CNBD1: variants seen among roughly 807,000 people sequenced by gnomAD.
The protein encoded by CNBD1 is cyclic nucleotide binding domain containing 1.
Under a neutral mutation model 54.4 loss-of-function variants are expected in CNBD1, and 71 were observed. The observed-to-expected ratio is 1.30, with a 90% confidence interval of 1.08 to 1.59. The LOEUF (loss-of-function observed/expected upper bound fraction) is 1.59, where lower values mean the gene tolerates loss of function less well. Ranked by LOEUF, CNBD1 falls within the 40% of genes most tolerant of loss-of-function variation. The probability of loss-of-function intolerance (pLI) is 0.00; values close to 1 mark genes in which losing one functional copy is unlikely to be tolerated. For synonymous variants in CNBD1, 182 were observed against 170.7 expected, an observed-to-expected ratio of 1.07 and a Z score of -0.51; for missense variants, 659 against 518.0, an observed-to-expected ratio of 1.27 and a Z score of -2.64.
At chr8:86,890,275 A>G (rs575360649) in intron 2 of CNBD1, among the ~76,000 whole-genome samples, 31 of 152,126 alleles carry the variant, frequency 2.0e-4, no homozygotes, top group African/African-American at 7.5e-4. Flanking sequence ...CCTAGTAACC[A>G]CCATTCTACT....
chr8:87,009,616 T>A (rs1488981504), intron 4 of CNBD1, among the ~76,000 whole-genome samples: 1 of 152,174 alleles, frequency 6.6e-6, no homozygotes, highest in African/African-American at 2.4e-5. Flanking sequence ...AAAACATTAT[T>A]ACTATTGTTT....
At chr8:86,925,696 C>T (rs919524872) in intron 3 of CNBD1, among the ~76,000 whole-genome samples, 7 of 142,318 alleles carry the variant, frequency 4.9e-5, no homozygotes, top group African/African-American at 1.9e-4. Flanking sequence ...GCCTTGCTAA[C>T]ATGGTGAAAC....
chr8:87,273,375 G>C (rs1390940065), intron 6 of CNBD1, among the ~76,000 whole-genome samples: 1 of 137,386 alleles, frequency 7.3e-6, no homozygotes, highest in African/African-American at 2.9e-5. Context: ...GCCTCTTTAC[G>C]ATTAAGTAAG....
Position 87,353,706 on chromosome 8 carries a change from T to C in CNBD1, c.1223T>C (p.Leu408Pro). The change falls in exon 10 of 11, where the codon CTT becomes CCT. Residue 408 changes from leucine to proline, a missense_variant. Transcript: ENST00000518476. ...GAGTCCTTTGGTGAGATTAGCGTCC[T>C]TCTTCAAGTTCCTTTCACGTGCACA... is the stretch of plus-strand genomic sequence containing the variant. ...EKESFGEISV[L>P]LQVPFTCTII... 2 of 1,611,500 alleles carry C rather than the reference T, an allele frequency of 1.2e-6. No homozygotes were observed. The highest frequency in any genetic ancestry group is 1.7e-6 in the Non-Finnish European group (2 of 1,178,372).
intron 6 of CNBD1, among the ~76,000 whole-genome samples, chr8:87,258,507 A>G (rs1586369992): frequency 6.6e-6 from 1 of 151,748 alleles, no homozygotes; most frequent in African/African-American, 2.4e-5. Flanking sequence ...CACTGCAACC[A>G]CTGCAACTCC....
At chr8:87,370,615 T>C (rs1267680818) in intron 10 of CNBD1, among the ~76,000 whole-genome samples, 2 of 152,088 alleles carry the variant, frequency 1.3e-5, no homozygotes, top group Admixed American at 6.6e-5. Context: ...TCATTGTAGA[T>C]TCTGGATATT....
intron 6 of CNBD1, among the ~76,000 whole-genome samples, chr8:87,284,219 TTTA>T (rs2130869444): frequency 6.6e-6 from 1 of 152,248 alleles, no homozygotes; most frequent in Non-Finnish European, 1.5e-5. Flanking sequence ...ATGCCTAATA[TTTA>T]TTGTTTACAT....
intron 6 of CNBD1, among the ~76,000 whole-genome samples, chr8:87,239,748 T>C (rs1807654327): frequency 1.3e-5 from 2 of 152,172 alleles, no homozygotes; most frequent in Non-Finnish European, 2.9e-5. Context: ...AAGCATCTGC[T>C]GTTCTAACTC....
intron 4 of CNBD1, among the ~76,000 whole-genome samples, chr8:86,974,701 A>G (rs2130496932): frequency 6.6e-6 from 1 of 152,150 alleles, no homozygotes; most frequent in East Asian, 1.9e-4. Flanking sequence ...AAATTTGAAA[A>G]TAAGTAATAC....
At chr8:87,294,265 G>A (rs1229739180) in intron 8 of CNBD1, among the ~76,000 whole-genome samples, 6 of 152,162 alleles carry the variant, frequency 3.9e-5, no homozygotes, top group East Asian at 1.9e-4. Context: ...GTATTGTATA[G>A]AATAGATCTT....
At chr8:87,265,521 A>T (rs553823762) in intron 6 of CNBD1, among the ~76,000 whole-genome samples, 1 of 152,156 alleles carries the variant, frequency 6.6e-6, no homozygotes, top group African/African-American at 2.4e-5. Context: ...TATTTTTCAC[A>T]TAAGATAATG....
chr8:87,217,573 CTTT>C (rs35123267), intron 5 of CNBD1, among the ~76,000 whole-genome samples: 85 of 144,892 alleles, frequency 5.9e-4, no homozygotes, highest in Non-Finnish European at 9.2e-4. Context: ...TTTTATTAAG[CTTT>C]TTTTTTTTTT....
intron 2 of CNBD1, among the ~76,000 whole-genome samples, chr8:87,419,772 C>A (rs957635616): frequency 6.6e-6 from 1 of 151,568 alleles, no homozygotes; most frequent in African/African-American, 2.4e-5. Flanking sequence ...AGTATGAATT[C>A]CTGTGAATTC....
intron 3 of CNBD1, among the ~76,000 whole-genome samples, chr8:86,938,788 G>A (rs905837678): frequency 2.0e-5 from 3 of 152,164 alleles, no homozygotes; most frequent in Non-Finnish European, 4.4e-5. Flanking sequence ...TTAACAGGAT[G>A]ATGTGCATAT....
intron 5 of CNBD1, among the ~76,000 whole-genome samples, chr8:87,214,548 T>G (rs1212311040): frequency 6.6e-6 from 1 of 152,184 alleles, no homozygotes; most frequent in African/African-American, 2.4e-5. Flanking sequence ...TTCCACATTT[T>G]CGGGTATCTT....
chr8:86,884,654 TTTA>T (rs577243884), intron 1 of CNBD1, among the ~76,000 whole-genome samples: 2 of 152,308 alleles, frequency 1.3e-5, no homozygotes, highest in Non-Finnish European at 2.9e-5. Flanking sequence ...GATCCTTTTC[TTTA>T]TTTTCTCCCA....
intron 6 of CNBD1, among the ~76,000 whole-genome samples, chr8:87,259,671 G>T (rs1808095951): frequency 1.3e-5 from 2 of 152,116 alleles, no homozygotes; most frequent in Admixed American, 1.3e-4. Context: ...TACAATAGTT[G>T]TAAGATTTTT....
intron 4 of CNBD1, among the ~76,000 whole-genome samples, chr8:86,993,165 T>A (rs1347879639): frequency 6.6e-6 from 1 of 152,122 alleles, no homozygotes; most frequent in Admixed American, 6.5e-5. Context: ...AAATTGTTTT[T>A]TCTTTATTTT....
chr8:86,947,883 C>T (rs770049733), intron 4 of CNBD1, among the ~76,000 whole-genome samples: 3 of 152,000 alleles, frequency 2.0e-5, no homozygotes, highest in Non-Finnish European at 4.4e-5. Context: ...TATCTTTTAG[C>T]CATCCCTACC....
Sources: allele counts gnomAD v4.1 joint callset (sites outside exome capture counted in the v4.1 genomes callset), GRCh38; gene constraint gnomAD v4.1.1; transcripts MANE v1.5; gene names NCBI Gene and HGNC (gene_info 2026-07-23, HGNC 2026-07-21).